CDH13: variants seen among roughly 807,000 people sequenced by gnomAD.
CDH13 encodes the protein cadherin 13, also known as cadherin-13.
In CDH13, 24 loss-of-function variants were observed where a neutral mutation model predicts 63.8. The ratio of observed to expected loss-of-function variants is 0.38; its 90% confidence interval spans 0.27 to 0.53. The LOEUF is 0.53. CDH13 is among the 20% of genes least tolerant of loss of function. The pLI is 0.85. For missense variants in CDH13, 1,049 were observed against 903.1 expected (o/e 1.16, Z -2.07); for synonymous variants, 503 against 355.3 (o/e 1.42, Z -4.67).
At chr16:83,259,394 C>G (rs577829924) in intron 5 of CDH13, among the ~76,000 whole-genome samples, 1 of 152,250 alleles carries the variant, frequency 6.6e-6, no homozygotes, top group East Asian at 1.9e-4. Context: ...AAGTCTGTCT[C>G]CTGAGCGTGG....
At chr16:83,101,839 T>G (rs1597337872) in intron 3 of CDH13, among the ~76,000 whole-genome samples, 1 of 151,360 alleles carries the variant, frequency 6.6e-6, no homozygotes, top group Non-Finnish European at 1.5e-5. Context: ...GCTCATGGAG[T>G]AGGTGACTTG....
chr16:83,393,504 A>T (rs908255811), intron 6 of CDH13, among the ~76,000 whole-genome samples: 3 of 152,210 alleles, frequency 2.0e-5, no homozygotes, highest in African/African-American at 7.2e-5. Context: ...GTTCATCTTT[A>T]CTGACGTGCC....
At chr16:82,952,103 G>C (rs925741488) in intron 2 of CDH13, among the ~76,000 whole-genome samples, 1 of 152,186 alleles carries the variant, frequency 6.6e-6, no homozygotes, top group Admixed American at 6.5e-5. Flanking sequence ...TAAATGCATA[G>C]ACATTTTTCC....
chr16:82,871,242 A>G (rs1344926304), intron 2 of CDH13, among the ~76,000 whole-genome samples: 3 of 152,222 alleles, frequency 2.0e-5, no homozygotes, highest in Non-Finnish European at 4.4e-5. Context: ...CAGGTAATGT[A>G]TGAAAAGGGA....
chr16:82,837,342 C>T (rs2038811073), intron 1 of CDH13, among the ~76,000 whole-genome samples: 1 of 152,076 alleles, frequency 6.6e-6, no homozygotes, highest in African/African-American at 2.4e-5. Context: ...AAGTGCTCCC[C>T]CCTGGTTTCT....
intron 2 of CDH13, among the ~76,000 whole-genome samples, chr16:82,876,413 A>C (rs2040505173): frequency 6.6e-6 from 1 of 152,240 alleles, no homozygotes; most frequent in African/African-American, 2.4e-5. Flanking sequence ...AAGAACATGC[A>C]ACCCACATTT....
intron 1 of CDH13, among the ~76,000 whole-genome samples, chr16:82,809,664 T>C (rs963042089): frequency 6.6e-6 from 1 of 152,072 alleles, no homozygotes; most frequent in East Asian, 1.9e-4. Flanking sequence ...AACATAAAGG[T>C]ATTAAAGTGA....
At chr16:83,007,006 C>G (rs548075509) in intron 2 of CDH13, among the ~76,000 whole-genome samples, 89 of 151,718 alleles carry the variant, frequency 5.9e-4, no homozygotes, top group South Asian at 1.7e-3. Flanking sequence ...TCATCACAAC[C>G]TCTGCCTCCC....
At chr16:82,950,069 G>C (rs566717731) in intron 2 of CDH13, among the ~76,000 whole-genome samples, 1 of 152,108 alleles carries the variant, frequency 6.6e-6, no homozygotes, top group South Asian at 2.1e-4. Flanking sequence ...ATAACAAAGT[G>C]CCACAAACTG....
At chr16:83,692,757 C>A (rs907390350) in intron 10 of CDH13, among the ~76,000 whole-genome samples, 3 of 152,166 alleles carry the variant, frequency 2.0e-5, no homozygotes, top group Non-Finnish European at 1.5e-5. Context: ...TGGGAAATGG[C>A]AGACCCCTGG....
intron 7 of CDH13, among the ~76,000 whole-genome samples, chr16:83,548,961 C>G (rs1321303349): frequency 6.6e-6 from 1 of 152,198 alleles, no homozygotes; most frequent in Non-Finnish European, 1.5e-5. Context: ...GTCATTTTCT[C>G]CTTAAGAAAA....
At chr16:83,566,158 C>G (rs1904278563) in intron 7 of CDH13, among the ~76,000 whole-genome samples, 1 of 152,248 alleles carries the variant, frequency 6.6e-6, no homozygotes, top group African/African-American at 2.4e-5. Flanking sequence ...CCACAGTCCT[C>G]TTCCAATTTC....
chr16:82,959,820 C>G (rs1335269494), intron 2 of CDH13, among the ~76,000 whole-genome samples: 2 of 152,182 alleles, frequency 1.3e-5, no homozygotes, highest in African/African-American at 4.8e-5. Flanking sequence ...TGAAAGACAT[C>G]TGGTTTGCTT....
At chr16:83,714,949 C>T (rs1908658982) in intron 10 of CDH13, among the ~76,000 whole-genome samples, 1 of 152,116 alleles carries the variant, frequency 6.6e-6, no homozygotes, top group South Asian at 2.1e-4. Context: ...TGCCTCTGCC[C>T]ATCTGTTTCT....
At chr16:83,652,771 C>A (rs1217962119) in intron 8 of CDH13, among the ~76,000 whole-genome samples, 2 of 152,108 alleles carry the variant, frequency 1.3e-5, no homozygotes, top group South Asian at 2.1e-4. Flanking sequence ...CCTGGAGTCC[C>A]CATATGACCC....
chr16:83,519,116 TAG>T (rs2074769713), intron 7 of CDH13, among the ~76,000 whole-genome samples: 1 of 152,130 alleles, frequency 6.6e-6, no homozygotes, highest in African/African-American at 2.4e-5. Flanking sequence ...GGATAGAGAA[TAG>T]AGTTTTATAG....
intron 10 of CDH13, among the ~76,000 whole-genome samples, chr16:83,694,240 A>G (rs1043136083): frequency 3.3e-5 from 5 of 152,204 alleles, no homozygotes; most frequent in South Asian, 2.1e-4. Context: ...CTTCCCATGC[A>G]ATGAACATGA....
chr16:83,168,360 T>C (rs1461510142), intron 4 of CDH13, among the ~76,000 whole-genome samples: 2 of 152,000 alleles, frequency 1.3e-5, no homozygotes, highest in African/African-American at 4.8e-5. Flanking sequence ...CGCATACATG[T>C]ATGTATGTGT....
chr16:82,701,722 T>A (rs2031039588), intron 1 of CDH13, among the ~76,000 whole-genome samples: 1 of 152,150 alleles, frequency 6.6e-6, no homozygotes, highest in Non-Finnish European at 1.5e-5. Flanking sequence ...GAGAGAAGTG[T>A]TCTCTCTTCC....
Sources: gnomAD v4.1 joint callset for allele counts (sites outside exome capture counted in the v4.1 genomes callset) on GRCh38, gnomAD v4.1.1 for gene constraint, MANE v1.5 for transcripts, NCBI Gene and HGNC (gene_info 2026-07-23, HGNC 2026-07-21) for gene names.